Variants in CASP8 observed in about 807,000 individuals in gnomAD.
The protein encoded by CASP8 is caspase-8.
A neutral mutation model predicts 46.3 loss-of-function variants in CASP8; 24 were observed. That is an observed-to-expected ratio of 0.52 (90% CI 0.38 to 0.73). The LOEUF is 0.73. Among genes scored for constraint, CASP8 ranks in the 30% least tolerant of loss-of-function variants. CASP8 has a pLI of 0.00. For missense variants in CASP8, 460 were observed against 559.0 expected (o/e 0.82, Z 1.79); for synonymous variants, 188 against 200.4 (o/e 0.94, Z 0.52).
chr2:201,261,248 G>A (rs894634894), intron 1 of CASP8, among the ~76,000 whole-genome samples: 4 of 151,890 alleles, frequency 2.6e-5, no homozygotes, highest in Non-Finnish European at 2.9e-5. Flanking sequence ...AAAATTAGCC[G>A]GGCATGATGG....
At chr2:201,285,352 C>A (rs771714764) in intron 8 of CASP8, 35 bp downstream of exon 8, 1 of 1,609,242 alleles carries the variant, frequency 6.2e-7, no homozygotes, top group Non-Finnish European at 8.5e-7. Context: ...CTCACTGTTA[C>A]ACTACCTTCC....
intron 7 of CASP8, among the ~76,000 whole-genome samples, chr2:201,284,267 C>T (rs1949387932): frequency 2.0e-5 from 1 of 50,954 alleles, no homozygotes; most frequent in Non-Finnish European, 3.9e-5. Context: ...CCTCACTTCC[C>T]AGACGGCGTG....
In CASP8 at chr2:201,272,622, T is replaced by G. The variant is rs1559357686; in HGVS notation, c.412-16T>G. Reference sequence around the variant, plus strand: ...GGCTCAATCCAGATTCCCAACTTTATTTCTCCTCCTCTTAGAACCTGCTGG... The same window carrying G: ...GGCTCAATCCAGATTCCCAACTTTAGTTCTCCTCCTCTTAGAACCTGCTGG... On this transcript the variant is annotated splice_polypyrimidine_tract_variant and intron_variant, in intron 3 of 8. Coordinates refer to ENST00000673742, the MANE Select transcript of CASP8 (RefSeq NM_001372051.1). The surrounding 1 kb of genome is among the most constrained non-coding windows in gnomAD (Gnocchi z 4.4). 11 of 1,613,968 alleles carry G rather than the reference T, an allele frequency of 6.8e-6. No individual in the cohort carries two copies. Among genetic ancestry groups the G allele is most frequent in the Non-Finnish European group, 9.3e-6 (11 of 1,179,934 alleles).
At chr2:201,241,118 C>A (rs1298549544) in intron 2 of CASP8, 1 of 151,890 alleles carries the variant, frequency 6.6e-6, no homozygotes, top group Non-Finnish European at 1.5e-5. Flanking sequence ...AACTTCGTGC[C>A]TCAAGGAGAG....
In CASP8 at chr2:201,274,920, G is replaced by C. The variant is rs749179894; in HGVS notation, c.627G>C (p.Ser209=). ...AGTTGTGTGGGGTAATGACAATCTC[G>C]GACTCTCCAAGAGAACAGGATAGTG... ...GEELCGVMTI[S]DSPREQDSES... is the part of the protein sequence containing the mutation. The change falls in exon 6 of 9, where the codon TCG becomes TCC. Residue 209 remains serine (S), a synonymous_variant. Transcript: ENST00000673742. 1 of 1,613,520 alleles carries C rather than the reference G, an allele frequency of 6.2e-7. No individual in the cohort carries two copies. Among genetic ancestry groups the C allele is most frequent in the Non-Finnish European group, 8.5e-7 (1 of 1,179,592 alleles).
chr2:201,249,630 C>CGAGAG (rs1490699829), intron 2 of CASP8, among the ~76,000 whole-genome samples: 1 of 152,124 alleles, frequency 6.6e-6, no homozygotes, highest in Non-Finnish European at 1.5e-5. Flanking sequence ...GAGGCTAAGG[C>CGAGAG]GAGAGGATCG....
At chr2:201,279,827 C>G (rs1036240656) in intron 7 of CASP8, among the ~76,000 whole-genome samples, 1 of 152,190 alleles carries the variant, frequency 6.6e-6, no homozygotes, top group South Asian at 2.1e-4. Flanking sequence ...GTGGCAGGTG[C>G]CTGTAACCCC....
intron 2 of CASP8, among the ~76,000 whole-genome samples, chr2:201,270,511 G>C (rs36039030): frequency 0.011 from 1,685 of 152,240 alleles, 13 homozygotes; most frequent in Non-Finnish European, 0.016. Flanking sequence ...AAATAAAAAG[G>C]GTACGGACCT....
chr2:201,237,473 AAAAAG>A (rs981269970), intron 2 of CASP8, among the ~76,000 whole-genome samples: 4 of 151,796 alleles, frequency 2.6e-5, no homozygotes, highest in East Asian at 1.9e-4. Flanking sequence ...AAAGAAAAGA[AAAAAG>A]AAAAAGAAAA....
At chr2:201,268,909 T>G (rs113992148) in intron 2 of CASP8, among the ~76,000 whole-genome samples, 4 of 131,534 alleles carry the variant, frequency 3.0e-5, no homozygotes, top group Admixed American at 7.9e-5. Context: ...GGCCTCATCT[T>G]TGTGTGTGTG....
Position 201,266,863 on chromosome 2 carries a change from T to C in CASP8, c.305+72T>C. ...GACAGCCTCTGAGCTGATTGGGGCT[T>C]TTTTTTGTGGTACCCTGCCTAGTGC... On this transcript the variant is annotated intron_variant, in intron 2 of 8. Transcript: ENST00000673742. The surrounding 1 kb of genome is among the most constrained non-coding windows in gnomAD (Gnocchi z 5.7). The C allele has an allele frequency of 1.7e-6, 2 of 1,184,830 alleles. No individual in the cohort carries two copies. The highest frequency in any genetic ancestry group is 1.4e-5 in the South Asian group (1 of 69,874). 73.4% of individuals were successfully genotyped at this position (1,184,830 alleles called of 1,614,324 possible). A position where few individuals can be genotyped will look rare whatever the true frequency, so the allele number is the denominator to read the frequency against.
At chr2:201,256,683 T>G (rs35534358), upstream of CASP8, among the ~76,000 whole-genome samples, 322 of 152,382 alleles carry the variant, frequency 2.1e-3, 1 homozygote, top group Middle Eastern at 6.8e-3. Flanking sequence ...TGTCTGAGTC[T>G]TAGTTTCCTC....
At chr2:201,264,348 C>T (rs1947641757) in intron 1 of CASP8, among the ~76,000 whole-genome samples, 1 of 151,398 alleles carries the variant, frequency 6.6e-6, no homozygotes, top group South Asian at 2.1e-4. Flanking sequence ...TATATTTTGA[C>T]AGAGATGGCT....
chr2:201,244,027 C>T (rs953660074), intron 2 of CASP8, among the ~76,000 whole-genome samples: 3 of 152,170 alleles, frequency 2.0e-5, no homozygotes, highest in Non-Finnish European at 4.4e-5. Flanking sequence ...TAAACTCCAT[C>T]CTTTGATTTT....
chr2:201,281,068 C>A (rs375672116), intron 7 of CASP8, among the ~76,000 whole-genome samples: 1 of 152,144 alleles, frequency 6.6e-6, no homozygotes, highest in East Asian at 1.9e-4. Context: ...AATCCCAGCA[C>A]TTTGGGAGGC....
At chr2:201,258,916 C>A (rs2125055516), upstream of CASP8, among the ~76,000 whole-genome samples, 1 of 152,144 alleles carries the variant, frequency 6.6e-6, no homozygotes, top group African/African-American at 2.4e-5. Flanking sequence ...GATGTGGATT[C>A]GTGAATTTAT....
Position 201,286,756 on chromosome 2 carries a change from C to A in CASP8, c.*162C>A. ...TCAGCCTCCCGAGTAGCTGGGACTA[C>A]AGGGGCCCGCCACCACACCTGGCTA... On this transcript the variant is annotated 3_prime_UTR_variant, in exon 9 of 9. Coordinates refer to ENST00000673742, the MANE Select transcript of CASP8 (RefSeq NM_001372051.1). 1.7e-6 allele frequency: 1 copy of A among 587,238 alleles called. No homozygotes were observed. The highest frequency in any genetic ancestry group is 3.1e-6 in the Non-Finnish European group (1 of 326,198). 36.4% of individuals were successfully genotyped at this position (587,238 alleles called of 1,614,324 possible). A position where few individuals can be genotyped will look rare whatever the true frequency, so the allele number is the denominator to read the frequency against.
chr2:201,234,698 A>T lies in CASP8; in HGVS notation c.-27+586A>T, dbSNP rs1446703032. ...GGTCTCAAACTTCTGGCCCCAAGTG[A>T]TCTACCCACCTTGGCCTCCCAAAGT... is the stretch of plus-strand genomic sequence containing the variant. On this transcript the variant is annotated intron_variant, in intron 2 of 6. Transcript: ENST00000264274. Among the ~76,000 whole-genome samples, 4 of 151,896 alleles carry T rather than the reference A, an allele frequency of 2.6e-5. 1 individual carries two copies. The highest frequency in any genetic ancestry group is 9.7e-5 in the African/African-American group (4 of 41,382).
intron 6 of CASP8, among the ~76,000 whole-genome samples, chr2:201,276,625 G>A (rs1233978865): frequency 1.3e-5 from 2 of 152,178 alleles, no homozygotes; most frequent in African/African-American, 4.8e-5. Context: ...CCCAGGTATT[G>A]GGACACTGAC....
Sources: gnomAD v4.1 joint callset for allele counts (sites outside exome capture counted in the v4.1 genomes callset) on GRCh38, gnomAD v4.1.1 for gene constraint, Gnocchi (gnomAD v3.1) non-coding constraint, MANE v1.5 for transcripts, NCBI Gene and HGNC (gene_info 2026-07-23, HGNC 2026-07-21) for gene names.